CACNA1H: variants seen among roughly 807,000 people sequenced by gnomAD.
CACNA1H encodes calcium voltage-gated channel subunit alpha1 H.
Under a neutral mutation model 192.5 loss-of-function variants are expected in CACNA1H, and 149 were observed. The observed-to-expected ratio is 0.77, with a 90% CI of 0.68 to 0.89. The LOEUF is 0.89. Among genes scored for constraint, CACNA1H ranks in the 40% least tolerant of loss-of-function variants. CACNA1H has a pLI of 0.00. For missense variants in CACNA1H, 4,257 were observed against 3,423.5 expected (o/e 1.24, Z -6.08); for synonymous variants, 2,202 against 1,475.2 (o/e 1.49, Z -11.29).
chr16:1,186,055 A>ACGGT (rs1966010882), intron 2 of CACNA1H, among the ~76,000 whole-genome samples: 1 of 89,364 alleles, frequency 1.1e-5, no homozygotes. Context: ...GGGTGAGTAG[A>ACGGT]CGGCGTAGGG....
chr16:1,219,906 G>T, intron 34 of CACNA1H, 75 bp from the exon 35 acceptor site: 1 of 1,155,920 alleles, frequency 8.7e-7, no homozygotes, highest in South Asian at 3.9e-5. Context: ...TGGATGGTGA[G>T]GGGTCTCCGA....
chr16:1,193,662 C>A (rs1184411481), intron 2 of CACNA1H, among the ~76,000 whole-genome samples: 1 of 152,240 alleles, frequency 6.6e-6, no homozygotes, highest in Non-Finnish European at 1.5e-5. Context: ...GCGCCTGTTA[C>A]CGCTGAACCC....
intron 2 of CACNA1H, among the ~76,000 whole-genome samples, chr16:1,187,036 T>G (rs1966139713): frequency 6.6e-6 from 1 of 152,200 alleles, no homozygotes; most frequent in African/African-American, 2.4e-5. Flanking sequence ...AGCTGTTGCT[T>G]CCTCTGCGGC....
chr16:1,161,995 T>C (rs1963250601), intron 2 of CACNA1H, among the ~76,000 whole-genome samples: 1 of 152,180 alleles, frequency 6.6e-6, no homozygotes, highest in Admixed American at 6.5e-5. Flanking sequence ...TGAAGTGGAC[T>C]GGCAGAGGTG....
chr16:1,212,180 C>T, intron 25 of CACNA1H, 42 bp downstream of exon 25: 2 of 1,569,744 alleles, frequency 1.3e-6, no homozygotes, highest in Non-Finnish European at 1.7e-6. Context: ...GGGTCGGTAC[C>T]TGTGTGCCCA....
In CACNA1H at chr16:1,217,969, A is replaced by T. The variant is rs773893318; in HGVS notation, c.5374A>T (p.Ser1792Cys). 1.7e-5 allele frequency: 28 copies of T among 1,605,384 alleles called. 1 individual carries two copies. In the South Asian group the frequency reaches 2.7e-4, roughly 15 times the overall value. The change falls in exon 32 of 35, where the codon AGC becomes TGC. Residue 1792 changes from serine to cysteine, a missense_variant. Transcript: ENST00000348261. ...CEGLSRHATF[S>C]NFGMAFLTLF... The stretch of plus-strand genomic sequence containing the variant: ...GGGCCTGAGCAGGCACGCCACCTTC[A>T]GCAACTTCGGCATGGCCTTCCTCAC...
At chr16:1,215,410 G>C in intron 29 of CACNA1H, 35 bp downstream of exon 29, 1 of 1,594,680 alleles carries the variant, frequency 6.3e-7, no homozygotes. Context: ...TTCTCTCTGC[G>C]GGTGGAGGGT....
intron 2 of CACNA1H, among the ~76,000 whole-genome samples, chr16:1,159,193 C>T (rs1962854688): frequency 6.6e-6 from 1 of 152,224 alleles, no homozygotes; most frequent in African/African-American, 2.4e-5. Context: ...CCCGGGTGTC[C>T]GTATCCCGGG....
Position 1,167,880 on chromosome 16 carries a change from C to T in CACNA1H, c.299+13844C>T, listed in dbSNP as rs990218433. 6.6e-6 allele frequency among the ~76,000 whole-genome samples: 1 copy of T among 152,184 alleles called. No individual in the cohort carries two copies. Among genetic ancestry groups the T allele is most frequent in the African/African-American group, 2.4e-5 (1 of 41,458 alleles). Reference sequence around the variant, plus strand: ...TCCGCGGGGCCCGGGCTGCCCATGGCAGCAGGTGCTCAGTAAGCACTCGCC... The same window carrying T: ...TCCGCGGGGCCCGGGCTGCCCATGGTAGCAGGTGCTCAGTAAGCACTCGCC... On this transcript the variant is annotated intron_variant, in intron 2 of 34. Transcript: ENST00000348261. This position sits in a 1 kb window ranked among gnomAD's most constrained non-coding sequence, Gnocchi z 4.2.
chr16:1,206,414 C>T (rs775880202), intron 12 of CACNA1H, 125 bp downstream of exon 12: 5 of 841,114 alleles, frequency 5.9e-6, no homozygotes, highest in South Asian at 5.2e-5. Flanking sequence ...CATCTGCAGA[C>T]ACTCGGCCTC....
In CACNA1H at chr16:1,202,035, TACC is replaced by T. The variant is rs1210225473; in HGVS notation, c.1587_1589del (p.His530del). On this transcript the variant is annotated inframe_deletion, in exon 9 of 35. Transcript: ENST00000348261. Reference sequence around the variant, plus strand: ...CCACCATCACCACCACCACCACCACTACCATTTCAGCCATGGCAGCCCCCGCAG... The same window carrying T: ...CCACCATCACCACCACCACCACCACTATTTCAGCCATGGCAGCCCCCGCAG... 3 of 1,537,304 alleles carry T rather than the reference TACC, an allele frequency of 2.0e-6. No homozygotes were observed. The highest frequency in any genetic ancestry group is 2.6e-6 in the Non-Finnish European group (3 of 1,143,976).
intron 6 of CACNA1H, 122 bp from the exon 7 acceptor site, chr16:1,200,134 A>ACTGGCC (rs1344438282): frequency 2.6e-6 from 2 of 782,046 alleles, no homozygotes; most frequent in Non-Finnish European, 4.1e-6. Context: ...TGATTAGTCC[A>ACTGGCC]CTGGCCCTGA....
At chr16:1,191,990 C>T (rs924961630) in intron 2 of CACNA1H, among the ~76,000 whole-genome samples, 4 of 152,268 alleles carry the variant, frequency 2.6e-5, no homozygotes, top group Non-Finnish European at 1.5e-5. Flanking sequence ...CCAGGCTTAG[C>T]TCGGGAGGCC....
intron 2 of CACNA1H, among the ~76,000 whole-genome samples, chr16:1,174,783 G>T (rs912482118): frequency 6.6e-6 from 1 of 152,240 alleles, no homozygotes; most frequent in African/African-American, 2.4e-5. Flanking sequence ...GTCGTTGGTG[G>T]ATCGATTCAG....
In CACNA1H at chr16:1,215,077, G is replaced by A. The variant is rs60087479; in HGVS notation, c.5035G>A (p.Asp1679Asn). The part of the protein sequence containing the change: ...VAFGFRRFFK[D>N]RWNQLDLAIV... Reference sequence around the variant, plus strand: ...ATTTGGGTTCCGTCGGTTCTTCAAGGACAGGTGTGTGTGGTGGGGCCGTCT... The same window carrying A: ...ATTTGGGTTCCGTCGGTTCTTCAAGAACAGGTGTGTGTGGTGGGGCCGTCT... Residue 1679 changes from aspartate (D) to asparagine (N), a missense_variant, in exon 28 of 35, where the codon GAC becomes AAC. Asp to Asn is a conservative substitution (Grantham distance 23). Transcript: ENST00000348261. 1 of 1,611,322 alleles carries A rather than the reference G, an allele frequency of 6.2e-7. No individual in the cohort carries two copies. The highest frequency in any genetic ancestry group is 8.5e-7 in the Non-Finnish European group (1 of 1,178,684).
chr16:1,188,805 TC>T (rs1263034876), intron 2 of CACNA1H, among the ~76,000 whole-genome samples: 3 of 151,962 alleles, frequency 2.0e-5, no homozygotes, highest in East Asian at 3.9e-4. Flanking sequence ...CCTGGATGTG[TC>T]CCCCCACACC....
intron 9 of CACNA1H, among the ~76,000 whole-genome samples, chr16:1,202,933 G>A (rs560104876): frequency 1.6e-4 from 24 of 152,186 alleles, no homozygotes; most frequent in African/African-American, 4.3e-4. Context: ...AGAGGCTGGC[G>A]TGGGGTTCTC....
chr16:1,196,459 C>T (rs537352228), intron 5 of CACNA1H, among the ~76,000 whole-genome samples: 20 of 152,306 alleles, frequency 1.3e-4, no homozygotes, highest in African/African-American at 3.8e-4. Context: ...CCTTCACACC[C>T]ACACAAGTGA....
chr16:1,177,674 T>C (rs1965026102), intron 2 of CACNA1H, among the ~76,000 whole-genome samples: 1 of 151,930 alleles, frequency 6.6e-6, no homozygotes, highest in Non-Finnish European at 1.5e-5. Context: ...TTCTCGGTTC[T>C]GGAGGCTGGA....
Sources: gnomAD v4.1 joint callset for allele counts (sites outside exome capture counted in the v4.1 genomes callset) on GRCh38, gnomAD v4.1.1 for gene constraint, Gnocchi (gnomAD v3.1) non-coding constraint, MANE v1.5 for transcripts, NCBI Gene and HGNC (gene_info 2026-07-23, HGNC 2026-07-21) for gene names.